The following SPPL2A variants were observed in gnomAD, a reference collection of about 807,000 sequenced individuals.
SPPL2A encodes the protein signal peptide peptidase-like 2A.
In SPPL2A, 51 loss-of-function variants were observed where a neutral mutation model predicts 63.8. That is an observed-to-expected ratio of 0.80 (90% confidence interval 0.64 to 1.01). The LOEUF (loss-of-function observed/expected upper bound fraction) is 1.01. Ranked by LOEUF, SPPL2A falls within the 50% of genes least tolerant of loss-of-function variation. The pLI is 0.00. For synonymous variants in SPPL2A, 188 were observed against 205.8 expected (o/e 0.91, Z 0.74); for missense variants, 553 against 622.7 (o/e 0.89, Z 1.19).
At position 50,748,687 on chromosome 15, in the gene SPPL2A, C is replaced by A; in HGVS notation, c.360+1G>T. On this transcript the variant is annotated splice_donor_variant, in intron 3 of 14. Transcript: ENST00000261854. LOFTEE classifies it high-confidence loss of function. The stretch of plus-strand genomic sequence containing the variant: ...AAGATATGATTGTTTTTATAACTTA[C>A]TAGGACACTGTTATTGACAACTAAC... 6.4e-7 allele frequency: 1 copy of A among 1,570,342 alleles called. No homozygotes were observed. Among genetic ancestry groups the A allele is most frequent in the Non-Finnish European group, 8.6e-7 (1 of 1,159,898 alleles).
At position 50,765,479 on chromosome 15, in the gene SPPL2A, G is replaced by A. The variant is rs2141069598; in HGVS notation, c.55C>T (p.Leu19=). The change falls in exon 1 of 15, where the codon CTG becomes TTG. Residue 19 remains leucine (L), a synonymous_variant. Coordinates refer to ENST00000261854, the MANE Select transcript of SPPL2A (RefSeq NM_032802.4). ...TCCCGCCCCCTTACCAGCTGGAGCA[G>A]GAAGCCCCAGAGTAGGGCGGCCCCG... ...PAGAALLWGF[L]LQLTAAQEAI... is the part of the protein sequence containing the mutation. 1.3e-6 allele frequency: 2 copies of A among 1,504,950 alleles called. No homozygotes were observed. The highest frequency in any genetic ancestry group is 1.8e-6 in the Non-Finnish European group (2 of 1,134,292). 93.2% of individuals were successfully genotyped at this position (1,504,950 alleles called of 1,614,324 possible).
chr15:50,755,124 C>A (rs2062944886), intron 1 of SPPL2A, among the ~76,000 whole-genome samples: 1 of 151,288 alleles, frequency 6.6e-6, no homozygotes, highest in African/African-American at 2.4e-5. Context: ...TCGAAACCAT[C>A]CTGGCTAAGA....
Position 50,734,314 on chromosome 15 carries a change from T to C in SPPL2A, c.933-1630A>G, listed in dbSNP as rs145406731. On this transcript the variant is annotated intron_variant, in intron 8 of 14. Coordinates refer to ENST00000261854, the MANE Select transcript of SPPL2A (RefSeq NM_032802.4). ...TATATAATTTTACAAATACACACAA[T>C]GGAATATTATTCAGCCATAAAAAAT... Among the ~76,000 whole-genome samples the C allele has an allele frequency of 5.9e-3, 900 of 152,248 alleles. 14 individuals are homozygous for C. The highest frequency in any genetic ancestry group is 0.021 in the African/African-American group (865 of 41,556).
At chr15:50,709,098 A>T (rs2062536875) in intron 14 of SPPL2A, among the ~76,000 whole-genome samples, 1 of 152,168 alleles carries the variant, frequency 6.6e-6, no homozygotes. Flanking sequence ...CTCTGCCTAT[A>T]TTCTCATAAA....
At chr15:50,740,762 G>A (rs900137714) in intron 5 of SPPL2A, among the ~76,000 whole-genome samples, 8 of 152,048 alleles carry the variant, frequency 5.3e-5, no homozygotes, top group Admixed American at 2.0e-4. Context: ...AGGCACATGC[G>A]GTTAGGCCCG....
chr15:50,722,088 AT>A lies in SPPL2A; in HGVS notation c.1327+35del, dbSNP rs775967045. On this transcript the variant is annotated intron_variant, in intron 13 of 14. Coordinates refer to ENST00000261854, the MANE Select transcript of SPPL2A (RefSeq NM_032802.4). ...TCTGTCTTTTCCTCCAGACAATACA[AT>A]TCAACATTTAATACAAAGAAAAACA... The A allele has an allele frequency of 8.2e-6, 9 of 1,101,580 alleles. No homozygotes were observed. The African/African-American group carries it at 9.2e-5, about 11-fold the overall frequency. The allele number at this position is 1,101,580 out of a possible 1,614,324, so 68.2% of individuals were successfully genotyped here.
rs1032056123 is a variant in SPPL2A, at chr15:50,707,748, C to T, written c.*52G>A. The T allele has an allele frequency of 4.3e-6, 4 of 924,546 alleles. No individual in the cohort carries two copies. Among genetic ancestry groups the T allele is most frequent in the East Asian group, 2.4e-5 (1 of 41,380 alleles). 57.3% of individuals were successfully genotyped at this position (924,546 alleles called of 1,614,324 possible). A position where few individuals can be genotyped will look rare whatever the true frequency, so the allele number is the denominator to read the frequency against. The stretch of plus-strand genomic sequence containing the variant: ...CAATTCAAAAGTCAATTTAAAAAGT[C>T]GAAGTCTATTTGTAGAAAATCAATG... On this transcript the variant is annotated 3_prime_UTR_variant, in exon 15 of 15. Transcript: ENST00000261854.
At chr15:50,753,578 T>C (rs2062927834) in intron 1 of SPPL2A, among the ~76,000 whole-genome samples, 1 of 152,204 alleles carries the variant, frequency 6.6e-6, no homozygotes, top group Admixed American at 6.6e-5. Context: ...GAGATAACAA[T>C]AAACACTCAG....
chr15:50,755,526 T>C (rs1434180881), intron 1 of SPPL2A, among the ~76,000 whole-genome samples: 1 of 139,638 alleles, frequency 7.2e-6, no homozygotes, highest in African/African-American at 2.7e-5. Context: ...GAGGCTGAGG[T>C]GAAAGGATTG....
At chr15:50,739,540 A>T in intron 6 of SPPL2A, 140 bp downstream of exon 6, 1 of 523,804 alleles carries the variant, frequency 1.9e-6, no homozygotes, top group Non-Finnish European at 3.2e-6. Flanking sequence ...ACACTCTGAT[A>T]ATTAAAAAAA....
At chr15:50,724,715 C>T (rs1179937543) in intron 12 of SPPL2A, among the ~76,000 whole-genome samples, 2 of 152,132 alleles carry the variant, frequency 1.3e-5, no homozygotes, top group African/African-American at 4.8e-5. Flanking sequence ...TAAGGCAAAA[C>T]TACACTGTCA....
intron 8 of SPPL2A, among the ~76,000 whole-genome samples, chr15:50,733,837 T>C (rs1174249806): frequency 6.6e-6 from 1 of 151,640 alleles, no homozygotes; most frequent in Non-Finnish European, 1.5e-5. Flanking sequence ...GTAATCCAAT[T>C]AAAAATTGGG....
intron 10 of SPPL2A, among the ~76,000 whole-genome samples, chr15:50,727,258 G>C (rs187566683): frequency 1.3e-5 from 2 of 152,226 alleles, no homozygotes; most frequent in East Asian, 3.9e-4. Flanking sequence ...TTTCCATGTG[G>C]GTGGGGTGCA....
At chr15:50,732,746 C>T (rs1421543529) in intron 8 of SPPL2A, 62 bp from the exon 9 acceptor site, 1 of 960,306 alleles carries the variant, frequency 1.0e-6, no homozygotes, top group Admixed American at 2.0e-5. Context: ...TTTCAAAAGA[C>T]ATAGATCACT....
chr15:50,760,834 T>G (rs914669157), intron 1 of SPPL2A, among the ~76,000 whole-genome samples: 1 of 152,104 alleles, frequency 6.6e-6, no homozygotes, highest in Admixed American at 6.6e-5. Flanking sequence ...GAGAAAGAAT[T>G]GAAGAATCTT....
intron 14 of SPPL2A, 103 bp from the exon 15 acceptor site, chr15:50,707,977 C>A (rs1305316785): frequency 2.9e-6 from 2 of 695,814 alleles, no homozygotes; most frequent in Admixed American, 2.2e-5. Context: ...ACAGATTGCT[C>A]TATGAAACTG....
At chr15:50,765,137 G>A (rs1429812091) in intron 1 of SPPL2A, among the ~76,000 whole-genome samples, 1 of 152,114 alleles carries the variant, frequency 6.6e-6, no homozygotes, top group Non-Finnish European at 1.5e-5. Context: ...TTTTAAATAT[G>A]CTGGGACAGT....
At position 50,765,687 on chromosome 15, in the gene SPPL2A, G is replaced by A. The variant is rs1346724072; in HGVS notation, c.-154C>T. The A allele has an allele frequency of 4.7e-6, 2 of 421,590 alleles. No homozygotes were observed. Among genetic ancestry groups the A allele is most frequent in the Non-Finnish European group, 8.1e-6 (2 of 245,430 alleles). The allele number at this position is 421,590 out of a possible 1,614,324, so 26.1% of individuals were successfully genotyped here. A position where few individuals can be genotyped will look rare whatever the true frequency, so the allele number is the denominator to read the frequency against. On this transcript the variant is annotated 5_prime_UTR_variant, in exon 1 of 15. Transcript: ENST00000261854. Reference sequence around the variant, plus strand: ...CGACTGGACCGCCGCTGCTACAGCGGCCGCCACAGCAGCGCGACTTCCTCT... The same window carrying A: ...CGACTGGACCGCCGCTGCTACAGCGACCGCCACAGCAGCGCGACTTCCTCT...
intron 11 of SPPL2A, chr15:50,726,114 A>C (rs1203004124): frequency 1.3e-6 from 2 of 1,514,130 alleles, no homozygotes; most frequent in East Asian, 2.6e-5. Flanking sequence ...GCTTCCACCA[A>C]GTTTCCATCA....
Sources: allele counts gnomAD v4.1 joint callset (sites outside exome capture counted in the v4.1 genomes callset), GRCh38; gene constraint gnomAD v4.1.1; transcripts MANE v1.5; gene names NCBI Gene and HGNC (gene_info 2026-07-23, HGNC 2026-07-21).